The following CD8B2 variants were observed in gnomAD, a reference collection of about 807,000 sequenced individuals.
The protein encoded by CD8B2 is CD8B family member 2.
In CD8B2, 11 loss-of-function variants were observed where a neutral mutation model predicts 23.7. The ratio of observed to expected loss-of-function variants is 0.46; its 90% CI spans 0.29 to 0.77. The LOEUF (loss-of-function observed/expected upper bound fraction) is 0.77. CD8B2 is among the 30% of genes least tolerant of loss of function. CD8B2 has a pLI of 0.09. For synonymous variants in CD8B2, 90 were observed against 109.3 expected, an observed-to-expected ratio of 0.82 and a Z score of 1.10; for missense variants, 197 against 270.5, an observed-to-expected ratio of 0.73 and a Z score of 1.91.
chr2:106,498,471 C>T (rs989176134), intron 3 of CD8B2, among the ~76,000 whole-genome samples: 21 of 152,178 alleles, frequency 1.4e-4, no homozygotes, highest in African/African-American at 4.8e-4. Flanking sequence ...CTTGTACTAA[C>T]CCTCAGTAAA....
intron 5 of CD8B2, chr2:106,537,988 G>A (rs1050206713): frequency 2.0e-4 from 31 of 152,210 alleles, no homozygotes; most frequent in African/African-American, 7.5e-4. Context: ...TGCGCTGAGA[G>A]CTGGTGGATG....
Position 106,510,246 on chromosome 2 carries a change from C to A in CD8B2, c.*3306C>A, listed in dbSNP as rs775739600. The A allele has an allele frequency of 6.6e-6, 1 of 152,132 alleles. No individual in the cohort carries two copies. Among genetic ancestry groups the A allele is most frequent in the Non-Finnish European group, 1.5e-5 (1 of 68,032 alleles). 9.4% of individuals were successfully genotyped at this position (152,132 alleles called of 1,614,324 possible). ...AGGGAGCATGAGGTTTGAAGGTGAG[C>A]GTTTCTGCTTCTCAATCTGGGAATC... On this transcript the variant is annotated 3_prime_UTR_variant, in exon 6 of 6. Coordinates refer to ENST00000643224, the MANE Select transcript of CD8B2 (RefSeq NM_001349727.2).
intron 5 of CD8B2, among the ~76,000 whole-genome samples, chr2:106,517,392 C>T (rs1027708832): frequency 1.1e-4 from 16 of 152,280 alleles, no homozygotes; most frequent in Middle Eastern, 3.4e-3. Context: ...TCTGCTTAGG[C>T]CCTGCTGACA....
intron 3 of CD8B2, among the ~76,000 whole-genome samples, chr2:106,497,407 C>T (rs1178964553): frequency 2.0e-5 from 3 of 152,184 alleles, no homozygotes; most frequent in Non-Finnish European, 4.4e-5. Flanking sequence ...CTGGAGTGTA[C>T]GCACATACAC....
rs1679183439 is a variant in CD8B2 at position 106,490,977 on chromosome 2, C to T, written c.147C>T (p.Asn49=). 1 of 1,613,896 alleles carries T rather than the reference C, an allele frequency of 6.2e-7. No individual in the cohort carries two copies. The highest frequency in any genetic ancestry group is 1.7e-5 in the Admixed American group (1 of 59,998). ...GCGAGGCTAAAATCTCCCTCAGTAA[C>T]ATGTGCATCTACTGGCTGAGACAGC... ...LSCEAKISLS[N]MCIYWLRQRQ... is the part of the protein sequence containing the mutation. Residue 49 remains asparagine (N), a synonymous_variant, in exon 2 of 6, where the codon AAC becomes AAT. Transcript: ENST00000643224.
chr2:106,515,103 C>G (rs1038554080), downstream of CD8B2, among the ~76,000 whole-genome samples: 2 of 152,214 alleles, frequency 1.3e-5, no homozygotes, highest in African/African-American at 4.8e-5. Flanking sequence ...CAGACACACC[C>G]AGGAAAAGTA....
chr2:106,502,318 A>AAAAAAAAAC (rs1679424496), intron 3 of CD8B2, among the ~76,000 whole-genome samples, 156 bp from the exon 4 acceptor site: 3 of 131,878 alleles, frequency 2.3e-5, no homozygotes, highest in Non-Finnish European at 3.2e-5. Context: ...AAAAAAAAAA[A>AAAAAAAAAC]AGACTTGAGG....
chr2:106,519,531 C>T (rs1476253648), intron 5 of CD8B2, among the ~76,000 whole-genome samples: 3 of 152,200 alleles, frequency 2.0e-5, no homozygotes, highest in South Asian at 4.1e-4. Context: ...GAGAGCGTTC[C>T]TGACTAGTGT....
At chr2:106,537,859 G>C (rs1285493720) in intron 5 of CD8B2, 2 of 152,190 alleles carry the variant, frequency 1.3e-5, no homozygotes, top group Non-Finnish European at 1.5e-5. Flanking sequence ...AGAATCAGCC[G>C]TGGGACAGCC....
intron 5 of CD8B2, among the ~76,000 whole-genome samples, chr2:106,533,108 G>GA (rs1399098422): frequency 5.3e-5 from 8 of 152,320 alleles, no homozygotes; most frequent in African/African-American, 1.9e-4. Flanking sequence ...TCCAAGATGT[G>GA]AAGCAGGCCC....
chr2:106,505,344 G>T (rs1010968906), intron 5 of CD8B2, among the ~76,000 whole-genome samples: 1 of 152,144 alleles, frequency 6.6e-6, no homozygotes, highest in African/African-American at 2.4e-5. Context: ...CCAGCTTTAG[G>T]TGGAGACAGG....
intron 3 of CD8B2, among the ~76,000 whole-genome samples, chr2:106,497,670 C>G (rs1679325367): frequency 5.3e-5 from 8 of 152,104 alleles, no homozygotes. Context: ...TCTGGGAGAC[C>G]AGGGTGGGAA....
At chr2:106,535,560 C>T (rs972140916) in intron 5 of CD8B2, among the ~76,000 whole-genome samples, 15 of 152,026 alleles carry the variant, frequency 9.9e-5, no homozygotes, top group Admixed American at 5.9e-4. Flanking sequence ...AAACATCACC[C>T]GTAATTCCAT....
intron 1 of CD8B2, among the ~76,000 whole-genome samples, chr2:106,490,609 A>G (rs1679174987): frequency 6.6e-6 from 1 of 152,260 alleles, no homozygotes; most frequent in African/African-American, 2.4e-5. Flanking sequence ...ATATAAGTAC[A>G]CAATAAACAA....
chr2:106,514,434 C>A (rs570651754), downstream of CD8B2, among the ~76,000 whole-genome samples: 1 of 151,846 alleles, frequency 6.6e-6, no homozygotes, highest in South Asian at 2.1e-4. Context: ...ATTACAGGTG[C>A]GCGCCATCAT....
intron 5 of CD8B2, among the ~76,000 whole-genome samples, chr2:106,517,905 G>A (rs1445119308): frequency 2.6e-5 from 4 of 151,982 alleles, no homozygotes; most frequent in African/African-American, 9.7e-5. Context: ...TAGTAGAGAC[G>A]GGGTTTCACC....
At chr2:106,503,658 A>G (rs1679454956) in intron 4 of CD8B2, among the ~76,000 whole-genome samples, 1 of 152,064 alleles carries the variant, frequency 6.6e-6, no homozygotes, top group African/African-American at 2.4e-5. Context: ...CAAAATGAAA[A>G]GCAAGTTGGG....
At chr2:106,520,058 C>T (rs1042875205) in intron 5 of CD8B2, among the ~76,000 whole-genome samples, 5 of 152,282 alleles carry the variant, frequency 3.3e-5, no homozygotes, top group African/African-American at 1.2e-4. Flanking sequence ...AACTGAATCA[C>T]CCCAGGACAG....
chr2:106,530,012 G>A (rs754690255), intron 5 of CD8B2, among the ~76,000 whole-genome samples: 7 of 152,240 alleles, frequency 4.6e-5, no homozygotes, highest in African/African-American at 7.2e-5. Flanking sequence ...CCCACCTGAT[G>A]GAGAAGTTTC....
Sources: gnomAD v4.1 joint callset for allele counts (sites outside exome capture counted in the v4.1 genomes callset) on GRCh38, gnomAD v4.1.1 for gene constraint, MANE v1.5 for transcripts, NCBI Gene and HGNC (gene_info 2026-07-23, HGNC 2026-07-21) for gene names.